CASS4: variants seen among roughly 807,000 people sequenced by gnomAD.
CASS4 encodes cas scaffolding protein family member 4.
CASS4 carries 22 observed loss-of-function variants against 54.2 expected under a neutral mutation model. The observed-to-expected ratio is 0.41, with a 90% CI of 0.29 to 0.58. The LOEUF is 0.58. CASS4 is among the 20% of genes least tolerant of loss of function. The probability of loss-of-function intolerance (pLI) is 0.36; values close to 1 mark genes in which losing one functional copy is unlikely to be tolerated. For synonymous variants in CASS4, 409 were observed against 391.5 expected (o/e 1.04, Z -0.53); for missense variants, 854 against 986.7 (o/e 0.87, Z 1.80).
At chr20:56,436,008 C>T (rs1413570918) in intron 1 of CASS4, among the ~76,000 whole-genome samples, 1 of 151,980 alleles carries the variant, frequency 6.6e-6, no homozygotes, top group Non-Finnish European at 1.5e-5. Flanking sequence ...CTCCTCGGCC[C>T]CCCAAAGTGC....
intron 2 of CASS4, among the ~76,000 whole-genome samples, chr20:56,440,769 G>C (rs6092314): frequency 0.072 from 10,887 of 152,204 alleles, 910 homozygotes; most frequent in African/African-American, 0.2. Flanking sequence ...ACCATTTGAG[G>C]CCTTGCTTGT....
intron 1 of CASS4, among the ~76,000 whole-genome samples, chr20:56,436,610 C>T (rs559932156): frequency 3.0e-4 from 45 of 152,132 alleles, no homozygotes; most frequent in Admixed American, 1.8e-3. Flanking sequence ...CCACTATGTG[C>T]GCTATGCTGC....
At chr20:56,444,826 C>T (rs752746051) in intron 2 of CASS4, among the ~76,000 whole-genome samples, 11 of 152,272 alleles carry the variant, frequency 7.2e-5, no homozygotes, top group East Asian at 1.9e-4. Context: ...AAATATAAAT[C>T]GGGGCCAGGC....
In CASS4 at chr20:56,460,272, T is replaced by C. The variant is rs147878767; in HGVS notation, c.*1525T>C. ...ATTTTGTCTCAAATCTGTTACAATT[T>C]ATATTGGTTGGTGCAAAAGTAATTG... On this transcript the variant is annotated 3_prime_UTR_variant, in exon 6 of 6. Coordinates refer to ENST00000679887, the MANE Select transcript of CASS4 (RefSeq NM_020356.4). The C allele has an allele frequency of 4.5e-3, 689 of 152,662 alleles. 5 individuals carry two copies. Among genetic ancestry groups the C allele is most frequent in the African/African-American group, 0.016 (655 of 41,558 alleles). The allele number at this position is 152,662 out of a possible 1,614,324, so 9.5% of individuals were successfully genotyped here.
At chr20:56,427,193 C>A (rs1005648163) in intron 1 of CASS4, among the ~76,000 whole-genome samples, 4 of 136,966 alleles carry the variant, frequency 2.9e-5, no homozygotes, top group Middle Eastern at 3.8e-3. Context: ...AAAAAAAAAA[C>A]CCTCTGTCAC....
rs929890221 is a variant in CASS4, at chr20:56,451,265, G to C, written c.643-554G>C. 1.3e-5 allele frequency among the ~76,000 whole-genome samples: 2 copies of C among 152,160 alleles called. 1 individual carries two copies. Among genetic ancestry groups the C allele is most frequent in the Admixed American group, 1.3e-4 (2 of 15,262 alleles). On this transcript the variant is annotated intron_variant, in intron 4 of 5. Transcript: ENST00000679887. ...AGTGCCTGGCATGGTGTGAAATTATGTAATGGCTTCTTCTTACGACAGACC... is the reference window on the plus strand; with the variant it reads ...AGTGCCTGGCATGGTGTGAAATTATCTAATGGCTTCTTCTTACGACAGACC...
intron 5 of CASS4, among the ~76,000 whole-genome samples, chr20:56,455,817 G>A (rs1243023350): frequency 6.6e-6 from 1 of 152,144 alleles, no homozygotes; most frequent in Non-Finnish European, 1.5e-5. Context: ...TGTAATCCCA[G>A]CTACTCGGGA....
chr20:56,434,666 C>G (rs938345039), intron 1 of CASS4, among the ~76,000 whole-genome samples: 1 of 151,044 alleles, frequency 6.6e-6, no homozygotes, highest in Non-Finnish European at 1.5e-5. Flanking sequence ...AGGATGGTCT[C>G]AAACTCCTGA....
chr20:56,448,002 C>A lies in CASS4; in HGVS notation c.561+2001C>A, dbSNP rs573185794. The stretch of plus-strand genomic sequence containing the variant: ...CTAAAAATACAAAAAGTTAGCCGGG[C>A]ATGGTGGCAGGTGCCTGTAGTCCCA... On this transcript the variant is annotated intron_variant, in intron 3 of 5. Transcript: ENST00000679887. Among the ~76,000 whole-genome samples, 5 of 152,206 alleles carry A rather than the reference C, an allele frequency of 3.3e-5. No individual in the cohort carries two copies. The South Asian group carries it at 1.0e-3, about 32-fold the overall frequency.
At chr20:56,445,502 C>A (rs1055429730) in intron 2 of CASS4, among the ~76,000 whole-genome samples, 1 of 152,220 alleles carries the variant, frequency 6.6e-6, no homozygotes, top group Non-Finnish European at 1.5e-5. Context: ...ACGAATAGCT[C>A]AGTATCAGAG....
intron 1 of CASS4, among the ~76,000 whole-genome samples, chr20:56,436,872 G>C (rs1249268722): frequency 6.6e-6 from 1 of 152,104 alleles, no homozygotes; most frequent in Admixed American, 6.5e-5. Context: ...GGGCAACAGA[G>C]TGAGACCCTG....
intron 1 of CASS4, among the ~76,000 whole-genome samples, chr20:56,427,853 A>G (rs1979716501): frequency 6.6e-6 from 1 of 152,240 alleles, no homozygotes; most frequent in Admixed American, 6.5e-5. Flanking sequence ...TCTTGGAAGT[A>G]AGACATGGAA....
intron 1 of CASS4, among the ~76,000 whole-genome samples, chr20:56,436,269 G>T (rs1980153496): frequency 6.6e-6 from 1 of 151,102 alleles, no homozygotes; most frequent in Non-Finnish European, 1.5e-5. Context: ...TAAATGTCAG[G>T]CACCTGTACA....
In CASS4 at chr20:56,453,287, T is replaced by C. The variant is rs6024887; in HGVS notation, c.1953+158T>C. On this transcript the variant is annotated intron_variant, in intron 5 of 5. Coordinates refer to ENST00000679887, the MANE Select transcript of CASS4 (RefSeq NM_020356.4). Reference sequence around the variant, plus strand: ...AAATTTATGAAAGTAAAATTCTTGATGAAATCTTATTAACAAGTCAGATAA... The same window carrying C: ...AAATTTATGAAAGTAAAATTCTTGACGAAATCTTATTAACAAGTCAGATAA... 3.1e-3 allele frequency: 1,915 copies of C among 609,936 alleles called. 37 individuals are homozygous for C. The highest frequency in any genetic ancestry group is 0.031 in the African/African-American group (1,678 of 54,254). The allele number at this position is 609,936 out of a possible 1,614,324, so 37.8% of individuals were successfully genotyped here.
rs896512473 is a variant in CASS4, at chr20:56,458,332, T to C, written c.1954-8T>C. The stretch of plus-strand genomic sequence containing the variant: ...TCTCCTATCTATTTTCTTCCTTCCC[T>C]TCTTTAGAATCCTGGCCCTCTTATA... On this transcript the variant is annotated splice_region_variant and splice_polypyrimidine_tract_variant and intron_variant, in intron 5 of 5. Coordinates refer to ENST00000679887, the MANE Select transcript of CASS4 (RefSeq NM_020356.4). 1.3e-6 allele frequency: 2 copies of C among 1,598,582 alleles called. No homozygotes were observed. Among genetic ancestry groups the C allele is most frequent in the South Asian group, 1.1e-5 (1 of 90,786 alleles).
chr20:56,435,697 C>T (rs1301483132), intron 1 of CASS4, among the ~76,000 whole-genome samples: 2 of 152,100 alleles, frequency 1.3e-5, no homozygotes, highest in Non-Finnish European at 2.9e-5. Flanking sequence ...GCTTTGTGAC[C>T]GCAGGCAAGT....
chr20:56,430,620 G>A lies in CASS4; in HGVS notation c.37-6544G>A, dbSNP rs1213730351. Among the ~76,000 whole-genome samples, 2 of 152,132 alleles carry A rather than the reference G, an allele frequency of 1.3e-5. No individual in the cohort carries two copies. The highest frequency in any genetic ancestry group is 2.9e-5 in the Non-Finnish European group (2 of 68,032). On this transcript the variant is annotated intron_variant, in intron 1 of 5. Transcript: ENST00000679887. This position sits in a 1 kb window ranked among gnomAD's most constrained non-coding sequence, Gnocchi z 4.2. ...TTATTCACAAAGAGCTCAGTGCAGC[G>A]CCAGGAACATGGGTGCAGGATGAGT... is the stretch of plus-strand genomic sequence containing the variant.
rs143832676 is a variant in CASS4, at chr20:56,442,313, A to G, written c.460-3587A>G. 2.6e-3 allele frequency among the ~76,000 whole-genome samples: 390 copies of G among 151,878 alleles called. 10 individuals carry two copies. Among genetic ancestry groups the G allele is most frequent in the African/African-American group, 9.0e-3 (370 of 41,168 alleles). On this transcript the variant is annotated intron_variant, in intron 2 of 5. Transcript: ENST00000679887. Reference sequence around the variant, plus strand: ...TATCTTTAGATTAGAACAACTCTTCATTTTACAGATGAGGACATTAATTCC... The same window carrying G: ...TATCTTTAGATTAGAACAACTCTTCGTTTTACAGATGAGGACATTAATTCC...
chr20:56,452,949 C>G lies in CASS4; in HGVS notation c.1773C>G (p.Asn591Lys), dbSNP rs1401167213. The G allele has an allele frequency of 3.7e-6, 6 of 1,614,024 alleles. No homozygotes were observed. The highest frequency in any genetic ancestry group is 5.1e-6 in the Non-Finnish European group (6 of 1,180,024). The change falls in exon 5 of 6, where the codon AAC becomes AAG. Residue 591 changes from asparagine to lysine, a missense_variant. Asn to Lys is a moderately conservative substitution (Grantham distance 94, BLOSUM62 0). Transcript: ENST00000679887. ...ATGGAAGGCTCCTTTTTAAGCGGAACTGTGAAAAGGAAGAGACTGTGCAGT... is the reference window on the plus strand; with the variant it reads ...ATGGAAGGCTCCTTTTTAAGCGGAAGTGTGAAAAGGAAGAGACTGTGCAGT... ...IANGRLLFKR[N>K]CEKEETVQLT... is the part of the protein sequence containing the mutation.
Sources: allele counts gnomAD v4.1 joint callset (sites outside exome capture counted in the v4.1 genomes callset), GRCh38; gene constraint gnomAD v4.1.1; non-coding constraint Gnocchi (gnomAD v3.1); transcripts MANE v1.5; gene names NCBI Gene and HGNC (gene_info 2026-07-23, HGNC 2026-07-21).